Variants in ATG7 observed in about 807,000 individuals in gnomAD.
ATG7 encodes the protein ubiquitin-like modifier-activating enzyme ATG7.
ATG7 carries 70 observed loss-of-function variants against 82.4 expected under a neutral mutation model. That is an observed-to-expected ratio of 0.85 (90% CI 0.70 to 1.04). The LOEUF is 1.04. Among genes scored for constraint, ATG7 ranks in the 50% least tolerant of loss-of-function variants. The pLI is 0.00. For synonymous variants in ATG7, 287 were observed against 313.0 expected, an observed-to-expected ratio of 0.92 and a Z score of 0.88; for missense variants, 792 against 864.3, an observed-to-expected ratio of 0.92 and a Z score of 1.05.
intron 20 of ATG7, among the ~76,000 whole-genome samples, chr3:11,493,122 A>T (rs1245932339): frequency 6.6e-6 from 1 of 152,224 alleles, no homozygotes; most frequent in Non-Finnish European, 1.5e-5. Flanking sequence ...AATTGAAGTT[A>T]TGGTGAATGC....
chr3:11,378,706 A>AAAAAAAAAAAAAC (rs1559501467), intron 18 of ATG7, among the ~76,000 whole-genome samples: 5 of 150,086 alleles, frequency 3.3e-5, no homozygotes, highest in African/African-American at 1.0e-4. Flanking sequence ...AAAAAAAAAA[A>AAAAAAAAAAAAAC]AAATTGCTGT....
chr3:11,393,270 C>G (rs970940256), intron 19 of ATG7, among the ~76,000 whole-genome samples: 2 of 152,160 alleles, frequency 1.3e-5, no homozygotes, highest in Non-Finnish European at 2.9e-5. Flanking sequence ...TTTCTACCAT[C>G]CTTTATACTT....
At chr3:11,568,596 A>G in the ATG7 span, 7 of 1,564,446 alleles carry the variant, frequency 4.5e-6, no homozygotes, top group South Asian at 1.2e-5. The surrounding 1 kb of genome is among the most constrained non-coding windows in gnomAD (Gnocchi z 5.9). Flanking sequence ...AAAATTATAC[A>G]TTACTCACAT....
intron 18 of ATG7, among the ~76,000 whole-genome samples, chr3:11,369,815 T>C (rs982697631): frequency 1.3e-5 from 2 of 151,126 alleles, no homozygotes; most frequent in African/African-American, 4.9e-5. Context: ...CCCATGAGTT[T>C]TACCCACTGG....
intron 5 of ATG7, among the ~76,000 whole-genome samples, chr3:11,305,100 T>C (rs1317763764): frequency 6.6e-6 from 1 of 152,222 alleles, no homozygotes; most frequent in Admixed American, 6.5e-5. Context: ...AGTGGAACCA[T>C]AGGAAACTAA....
chr3:11,391,560 G>T (rs1274626314), intron 19 of ATG7, among the ~76,000 whole-genome samples: 2 of 152,332 alleles, frequency 1.3e-5, no homozygotes. Context: ...GGTGATGCCT[G>T]CCTGCCAGCA....
intron 20 of ATG7, among the ~76,000 whole-genome samples, chr3:11,463,366 A>G (rs1004389577): frequency 1.3e-5 from 2 of 152,330 alleles, no homozygotes; most frequent in African/African-American, 2.4e-5. Context: ...GTGATCCTCA[A>G]TAATCAGATA....
At chr3:11,446,628 G>C (rs1293089917) in intron 20 of ATG7, 6 of 332,988 alleles carry the variant, frequency 1.8e-5, no homozygotes, top group Non-Finnish European at 3.5e-5. Context: ...CATGGTACTT[G>C]AGCAGACTGC....
At chr3:11,495,590 A>C (rs2153054308) in intron 20 of ATG7, among the ~76,000 whole-genome samples, 1 of 152,156 alleles carries the variant, frequency 6.6e-6, no homozygotes, top group Admixed American at 6.5e-5. Flanking sequence ...AAAAAGACAA[A>C]CTGTTTAGGA....
chr3:11,311,732 T>C (rs914869150), intron 7 of ATG7, among the ~76,000 whole-genome samples: 5 of 152,154 alleles, frequency 3.3e-5, no homozygotes, highest in Non-Finnish European at 7.3e-5. Flanking sequence ...GTTTTTGCTT[T>C]CCTTCTGCTG....
intron 15 of ATG7, among the ~76,000 whole-genome samples, chr3:11,358,880 C>T (rs2076105202): frequency 6.6e-6 from 1 of 152,154 alleles, no homozygotes; most frequent in African/African-American, 2.4e-5. Context: ...AACGTAAGCT[C>T]CAAGAGGACA....
At chr3:11,306,275 T>G (rs1947721141) in intron 5 of ATG7, among the ~76,000 whole-genome samples, 1 of 152,198 alleles carries the variant, frequency 6.6e-6, no homozygotes, top group Non-Finnish European at 1.5e-5. Flanking sequence ...GGCTAGGTTG[T>G]GGGGCAGTCA....
chr3:11,429,924 C>T lies in ATG7; in HGVS notation c.2079+2998C>T, dbSNP rs187571704. Among the ~76,000 whole-genome samples the T allele has an allele frequency of 3.2e-3, 436 of 136,222 alleles. 1 individual carries two copies. The highest frequency in any genetic ancestry group is 0.013 in the Middle Eastern group (3 of 238). The allele number at this position is 136,222 out of a possible 152,430, so 89.4% of individuals were successfully genotyped here. On this transcript the variant is annotated intron_variant, in intron 20 of 20. Coordinates refer to ENST00000693202, the MANE Select transcript of ATG7 (RefSeq NM_001349232.2). ...TCGCGCGACTGAATTCCAGCCTGGG[C>T]GACAGAGCGAGACTCTGTCTCAGGA...
chr3:11,435,609 T>C (rs1434892010), intron 20 of ATG7, among the ~76,000 whole-genome samples: 1 of 152,188 alleles, frequency 6.6e-6, no homozygotes, highest in Non-Finnish European at 1.5e-5. Context: ...TCTGAGTTCA[T>C]ACCTCAGCTC....
the ATG7 span, among the ~76,000 whole-genome samples, chr3:11,564,496 T>C: frequency 5.9e-5 from 9 of 151,980 alleles, no homozygotes; most frequent in Non-Finnish European, 1.3e-4. Flanking sequence ...ACACCACCCC[T>C]GTACTGGGAG....
At chr3:11,448,137 A>G (rs1486406205) in intron 20 of ATG7, among the ~76,000 whole-genome samples, 1 of 152,238 alleles carries the variant, frequency 6.6e-6, no homozygotes, top group Non-Finnish European at 1.5e-5. Flanking sequence ...CTAACCACAG[A>G]TACCAGAAAA....
At chr3:11,501,027 C>T (rs192599979) in intron 20 of ATG7, among the ~76,000 whole-genome samples, 9 of 152,232 alleles carry the variant, frequency 5.9e-5, no homozygotes, top group South Asian at 4.1e-4. Flanking sequence ...AGCCAAGGTG[C>T]GAGGATCACT....
chr3:11,440,674 C>CATTTTTTTTTTT (rs769737485), intron 20 of ATG7, among the ~76,000 whole-genome samples: 1 of 39,484 alleles, frequency 2.5e-5, no homozygotes, highest in African/African-American at 1.1e-4. Flanking sequence ...TCCCCATTTG[C>CATTTTTTTTTTT]TTTTTTTTTT....
rs1421476013 is a variant in ATG7, at chr3:11,487,379, C to T, written c.2079+60453C>T. Among the ~76,000 whole-genome samples the T allele has an allele frequency of 4.6e-4, 22 of 47,566 alleles. 3 individuals carry two copies. The highest frequency in any genetic ancestry group is 1.6e-3 in the African/African-American group (22 of 13,380). The allele number at this position is 47,566 out of a possible 152,430, so 31.2% of individuals were successfully genotyped here. On this transcript the variant is annotated intron_variant, in intron 20 of 20. Transcript: ENST00000693202. ...CCTCCCAGACGGGGTGGTGGCCGGG[C>T]AGAGGGGCTCCTCACTTCCCAGTAG...
Sources: allele counts gnomAD v4.1 joint callset (sites outside exome capture counted in the v4.1 genomes callset), GRCh38; gene constraint gnomAD v4.1.1; non-coding constraint Gnocchi (gnomAD v3.1); transcripts MANE v1.5; gene names NCBI Gene and HGNC (gene_info 2026-07-23, HGNC 2026-07-21).